SMIM10L3: variants seen among roughly 807,000 people sequenced by gnomAD.
SMIM10L3 encodes salivary gland specific protein SAGSIN1.
At chr7:6,343,517 A>G in the SMIM10L3 span, among the ~76,000 whole-genome samples, 2 of 148,966 alleles carry the variant, frequency 1.3e-5, no homozygotes, top group Admixed American at 6.8e-5. Flanking sequence ...ATGACTTGTT[A>G]AATTATAGCA....
chr7:6,340,132 G>T, the SMIM10L3 span, among the ~76,000 whole-genome samples: 1 of 151,380 alleles, frequency 6.6e-6, no homozygotes, highest in Middle Eastern at 3.2e-3. Flanking sequence ...TGATCCGCCC[G>T]CCTCGGCCTC....
At chr7:6,335,279 A>G in the SMIM10L3 span, among the ~76,000 whole-genome samples, 1 of 151,346 alleles carries the variant, frequency 6.6e-6, no homozygotes, top group East Asian at 2.0e-4. Flanking sequence ...CTGGAGGGCA[A>G]TGGCACAATC....
At chr7:6,330,165 C>T in the SMIM10L3 span, 4 of 580,404 alleles carry the variant, frequency 6.9e-6, no homozygotes, top group East Asian at 1.2e-4. Context: ...CTTTATATGT[C>T]TTTTAAAGCA....
chr7:6,348,059 C>T, the SMIM10L3 span, among the ~76,000 whole-genome samples: 2 of 151,468 alleles, frequency 1.3e-5, no homozygotes, highest in South Asian at 2.1e-4. Flanking sequence ...TACAGGCACG[C>T]GCCACCACGC....
the SMIM10L3 span, chr7:6,330,306 C>T: frequency 6.9e-7 from 1 of 1,451,528 alleles, no homozygotes; most frequent in Admixed American, 2.0e-5. Flanking sequence ...TGCATCCAGA[C>T]TTAATGCGAA....
chr7:6,338,291 T>C, the SMIM10L3 span, among the ~76,000 whole-genome samples: 3 of 152,324 alleles, frequency 2.0e-5, no homozygotes, highest in South Asian at 2.1e-4. Flanking sequence ...GCTAGAGATA[T>C]ATTGTACCAG....
the SMIM10L3 span, among the ~76,000 whole-genome samples, chr7:6,336,494 A>C: frequency 1.1e-4 from 16 of 152,242 alleles, 3 homozygotes; most frequent in African/African-American, 3.4e-4. Context: ...CAGCCTGGCC[A>C]ACACAGGGAA....
chr7:6,331,085 C>T, the SMIM10L3 span: 5 of 1,613,428 alleles, frequency 3.1e-6, no homozygotes, highest in African/African-American at 1.3e-5. Flanking sequence ...GATAGTTTGT[C>T]CGAGTCACCT....
the SMIM10L3 span, among the ~76,000 whole-genome samples, chr7:6,333,209 A>G: frequency 6.6e-6 from 1 of 151,964 alleles, no homozygotes; most frequent in Non-Finnish European, 1.5e-5. Flanking sequence ...CTGGGGAGAA[A>G]ATGAAGGATG....
the SMIM10L3 span, chr7:6,348,905 C>T: frequency 2.6e-6 from 1 of 386,966 alleles, no homozygotes; most frequent in Non-Finnish European, 4.6e-6. Context: ...GCGGAGTCCG[C>T]ACGTCACGCT....
the SMIM10L3 span, among the ~76,000 whole-genome samples, chr7:6,343,314 T>C: frequency 3.5e-4 from 52 of 146,500 alleles, no homozygotes; most frequent in African/African-American, 1.2e-3. Flanking sequence ...GAAGCGGAGG[T>C]TGCAGTGATC....
At chr7:6,348,915 T>C in the SMIM10L3 span, 1 of 384,904 alleles carries the variant, frequency 2.6e-6, no homozygotes, top group African/African-American at 2.1e-5. Context: ...CACGTCACGC[T>C]CGGAGAAGTG....
At chr7:6,339,951 C>T in the SMIM10L3 span, among the ~76,000 whole-genome samples, 1 of 152,208 alleles carries the variant, frequency 6.6e-6, no homozygotes, top group East Asian at 1.9e-4. Context: ...GCTGCATGAT[C>T]TCAGCTCACT....
the SMIM10L3 span, chr7:6,331,134 G>A: frequency 2.5e-6 from 4 of 1,612,870 alleles, no homozygotes; most frequent in Non-Finnish European, 3.4e-6. Context: ...AGGTGCCGAG[G>A]GGCCCTCTTC....
the SMIM10L3 span, among the ~76,000 whole-genome samples, chr7:6,334,552 C>A: frequency 2.5e-4 from 38 of 152,022 alleles, no homozygotes; most frequent in African/African-American, 8.7e-4. Context: ...ACTGCAAACT[C>A]TGCCTCCTGG....
At chr7:6,332,084 C>A in the SMIM10L3 span, among the ~76,000 whole-genome samples, 8 of 149,436 alleles carry the variant, frequency 5.4e-5, no homozygotes, top group East Asian at 2.0e-4. Flanking sequence ...TGCACTCCAG[C>A]CTGGGCGACA....
chr7:6,333,893 C>T, the SMIM10L3 span, among the ~76,000 whole-genome samples: 2 of 134,414 alleles, frequency 1.5e-5, no homozygotes, highest in South Asian at 2.4e-4. Context: ...TTTGCCCAGG[C>T]TGGAGTGCAG....
chr7:6,334,697 C>T, the SMIM10L3 span, among the ~76,000 whole-genome samples: 1 of 151,994 alleles, frequency 6.6e-6, no homozygotes, highest in Non-Finnish European at 1.5e-5. Flanking sequence ...AACTCCTGAG[C>T]TCAGGCAGTC....
chr7:6,333,468 CATA>C, the SMIM10L3 span, among the ~76,000 whole-genome samples: 1 of 152,130 alleles, frequency 6.6e-6, no homozygotes, highest in Non-Finnish European at 1.5e-5. Context: ...AGGCTGTGAT[CATA>C]AGGAGGGACA....
Sources: gnomAD v4.1 joint callset for allele counts (sites outside exome capture counted in the v4.1 genomes callset) on GRCh38, gnomAD v4.1.1 for gene constraint, MANE v1.5 for transcripts, NCBI Gene and HGNC (gene_info 2026-07-23, HGNC 2026-07-21) for gene names.